Variants in DLGAP2 observed in about 807,000 individuals in gnomAD.
The protein encoded by DLGAP2 is DLG associated protein 2.
In DLGAP2, 26 loss-of-function variants were observed where a neutral mutation model predicts 100.3. The ratio of observed to expected loss-of-function variants is 0.26; its 90% CI spans 0.19 to 0.36. DLGAP2 has a LOEUF of 0.36. Ranked by LOEUF, DLGAP2 falls within the 10% of genes least tolerant of loss-of-function variation. The pLI, the probability that DLGAP2 is intolerant of heterozygous loss-of-function variation, is 1.00. For synonymous variants in DLGAP2, 886 were observed against 630.1 expected (o/e 1.41, Z -6.08); for missense variants, 1,858 against 1,453.2 (o/e 1.28, Z -4.53).
intron 3 of DLGAP2, among the ~76,000 whole-genome samples, chr8:1,423,209 G>GT (rs1240518087): frequency 2.0e-5 from 3 of 152,114 alleles, no homozygotes; most frequent in Non-Finnish European, 2.9e-5. Context: ...CAGAGATTGA[G>GT]TTTTTTTAAT....
intron 2 of DLGAP2, chr8:1,003,203 T>G (rs111434187): frequency 1.1e-4 from 17 of 152,348 alleles, no homozygotes; most frequent in African/African-American, 4.1e-4. Flanking sequence ...AGGGTGGGTC[T>G]CAAGCCCTCC....
At chr8:946,347 T>C (rs1563107614) in intron 2 of DLGAP2, among the ~76,000 whole-genome samples, 2 of 151,482 alleles carry the variant, frequency 1.3e-5, no homozygotes, top group African/African-American at 4.9e-5. Context: ...CATTGCAAGC[T>C]CCGCCTCCCG....
intron 1 of DLGAP2, among the ~76,000 whole-genome samples, chr8:868,270 A>T (rs2128991135): frequency 6.6e-6 from 1 of 152,236 alleles, no homozygotes; most frequent in East Asian, 1.9e-4. Context: ...TGGCTCTTGT[A>T]TGTCAGCAGC....
intron 1 of DLGAP2, among the ~76,000 whole-genome samples, chr8:874,430 C>G (rs923174224): frequency 3.3e-5 from 5 of 152,062 alleles, no homozygotes; most frequent in Admixed American, 6.5e-5. Context: ...AAAGTATTTT[C>G]TAATTTCCTT....
chr8:1,506,392 G>A (rs896874275), intron 4 of DLGAP2, among the ~76,000 whole-genome samples: 1 of 152,176 alleles, frequency 6.6e-6, no homozygotes, highest in Non-Finnish European at 1.5e-5. Flanking sequence ...TTGGGTGAGT[G>A]TCCGGAGTTT....
At chr8:855,104 A>T (rs1391699453) in intron 1 of DLGAP2, among the ~76,000 whole-genome samples, 1 of 151,994 alleles carries the variant, frequency 6.6e-6, no homozygotes, top group African/African-American at 2.4e-5. Flanking sequence ...TGAGTCTGGG[A>T]TGTGCGATTG....
At chr8:1,541,550 A>G (rs1027096624) in intron 4 of DLGAP2, among the ~76,000 whole-genome samples, 2 of 152,156 alleles carry the variant, frequency 1.3e-5, no homozygotes, top group African/African-American at 2.4e-5. Context: ...CCTTTGAACT[A>G]TGGAAAAATA....
chr8:1,003,578 C>T (rs144948838), intron 2 of DLGAP2, among the ~76,000 whole-genome samples: 1 of 152,346 alleles, frequency 6.6e-6, no homozygotes, highest in Non-Finnish European at 1.5e-5. Context: ...AGCCACTGTT[C>T]CTGATGGCCA....
chr8:1,632,926 T>C lies in DLGAP2; in HGVS notation c.1690T>C (p.Cys564Arg). ...CATGGATGCCCTCGACCTCCCGGGA[T>C]GTTTCCGAACAAGGAGTCACAGCTA... is the stretch of plus-strand genomic sequence containing the variant. ...QAMDALDLPGCFRTRSHSYLR... is the reference protein window; with the variant it reads ...QAMDALDLPGRFRTRSHSYLR... Residue 564 changes from cysteine to arginine, a missense_variant, in exon 8 of 15, where the codon TGT becomes CGT. By Grantham distance (180) the Cys-to-Arg change is radical. Coordinates refer to ENST00000637795, the MANE Select transcript of DLGAP2 (RefSeq NM_001346810.2). 6.2e-7 allele frequency: 1 copy of C among 1,613,978 alleles called. No homozygotes were observed. The highest frequency in any genetic ancestry group is 2.2e-5 in the East Asian group (1 of 44,886).
At chr8:1,574,449 C>G (rs1307723301) in intron 6 of DLGAP2, among the ~76,000 whole-genome samples, 2 of 152,240 alleles carry the variant, frequency 1.3e-5, no homozygotes, top group East Asian at 1.9e-4. Context: ...GAAGTCAACT[C>G]TAGGTCTCTC....
At chr8:1,311,712 A>AG (rs1045680652) in intron 3 of DLGAP2, among the ~76,000 whole-genome samples, 8 of 152,102 alleles carry the variant, frequency 5.3e-5, no homozygotes, top group Non-Finnish European at 1.2e-4. Context: ...ATAAAAAAAA[A>AG]AAACTCTTAT....
At chr8:1,063,863 C>T (rs565401405) in intron 2 of DLGAP2, among the ~76,000 whole-genome samples, 1 of 152,274 alleles carries the variant, frequency 6.6e-6, no homozygotes, top group East Asian at 1.9e-4. Context: ...CTGTTGTGGC[C>T]TTTAATTTGC....
intron 3 of DLGAP2, among the ~76,000 whole-genome samples, chr8:1,292,642 C>G (rs768886797): frequency 8.5e-5 from 13 of 152,170 alleles, no homozygotes; most frequent in African/African-American, 3.1e-4. Flanking sequence ...ATTCTGTTAC[C>G]CAATGTAACG....
chr8:751,654 G>C (rs1046581077), intron 1 of DLGAP2, among the ~76,000 whole-genome samples: 5 of 151,612 alleles, frequency 3.3e-5, no homozygotes, highest in African/African-American at 1.2e-4. Context: ...ACACTTTATA[G>C]TAAGTCCTTA....
chr8:1,182,830 G>A (rs79607902), intron 2 of DLGAP2, among the ~76,000 whole-genome samples: 13,677 of 151,982 alleles, frequency 0.09, 758 homozygotes, highest in East Asian at 0.23. Flanking sequence ...GCAGTGGCGC[G>A]TGGGGGACGG....
rs565490118 is a variant in DLGAP2 at position 941,689 on chromosome 8, C to G, written c.73+33723C>G. Among the ~76,000 whole-genome samples the G allele has an allele frequency of 8.5e-5, 13 of 152,286 alleles. No homozygotes were observed. In the East Asian group the frequency reaches 2.5e-3, roughly 29 times the overall value. Reference sequence around the variant, plus strand: ...CATGGTGTCCTAAGCAGCTGTGTCCCCTCTATGTTATTATTCTTTGTGCGG... The same window carrying G: ...CATGGTGTCCTAAGCAGCTGTGTCCGCTCTATGTTATTATTCTTTGTGCGG... On this transcript the variant is annotated intron_variant, in intron 2 of 14. Transcript: ENST00000637795.
intron 4 of DLGAP2, among the ~76,000 whole-genome samples, chr8:1,517,141 C>T (rs921457470): frequency 6.6e-6 from 1 of 152,098 alleles, no homozygotes; most frequent in African/African-American, 2.4e-5. Context: ...GCTGGGGACC[C>T]CCATGGCTGT....
At chr8:777,589 T>A (rs1821560673) in intron 1 of DLGAP2, among the ~76,000 whole-genome samples, 1 of 152,176 alleles carries the variant, frequency 6.6e-6, no homozygotes, top group Non-Finnish European at 1.5e-5. Context: ...GTAAAGTATT[T>A]TATTTCTCCT....
At chr8:791,025 G>A (rs1205196041) in intron 1 of DLGAP2, among the ~76,000 whole-genome samples, 1 of 152,200 alleles carries the variant, frequency 6.6e-6, no homozygotes, top group Non-Finnish European at 1.5e-5. Context: ...TCACAGGCAT[G>A]AGCCACCACG....
Sources: gnomAD v4.1 joint callset for allele counts (sites outside exome capture counted in the v4.1 genomes callset) on GRCh38, gnomAD v4.1.1 for gene constraint, MANE v1.5 for transcripts, NCBI Gene and HGNC (gene_info 2026-07-23, HGNC 2026-07-21) for gene names.